Variants in KCNS2 observed in about 807,000 individuals in gnomAD.
KCNS2 encodes delayed-rectifier potassium channel regulatory subunit KCNS2.
Under a neutral mutation model 28.3 loss-of-function variants are expected in KCNS2, and 15 were observed. The observed-to-expected ratio is 0.53, with a 90% CI of 0.35 to 0.82. The LOEUF is 0.82. Ranked by LOEUF, KCNS2 falls within the 40% of genes least tolerant of loss-of-function variation. The probability of loss-of-function intolerance (pLI) is 0.01; values close to 1 mark genes in which losing one functional copy is unlikely to be tolerated. For synonymous variants in KCNS2, 254 were observed against 256.7 expected (o/e 0.99, Z 0.10); for missense variants, 501 against 617.1 (o/e 0.81, Z 1.99).
chr8:98,428,149 AGCTCT>A lies in KCNS2; in HGVS notation c.173_177del (p.Leu58ArgfsTer2). On this transcript the variant is annotated frameshift_variant, in exon 2 of 2. Transcript: ENST00000287042. LOFTEE classifies it high-confidence loss of function. This position sits in a 1 kb window ranked among gnomAD's most constrained non-coding sequence, Gnocchi z 6.7. ...TGCCACTCGCGCGAGGCCATTCTGG[AGCTCT>A]GCGATGACTACGACGACGTCCAGCG... 6.2e-7 allele frequency: 1 copy of A among 1,613,836 alleles called. No homozygotes were observed. Among genetic ancestry groups the A allele is most frequent in the Non-Finnish European group, 8.5e-7 (1 of 1,179,956 alleles).
Position 98,431,849 on chromosome 8 carries a change from A to G in KCNS2, c.*2436A>G, listed in dbSNP as rs1407035358. 6.0e-6 allele frequency: 1 copy of G among 167,096 alleles called. No homozygotes were observed. Among genetic ancestry groups the G allele is most frequent in the Admixed American group, 6.5e-5 (1 of 15,288 alleles). The allele number at this position is 167,096 out of a possible 1,614,324, so 10.4% of individuals were successfully genotyped here. ...ACTATCTTTTTAACATCTCTTGTAC[A>G]TACATATATACTTATATAAAATATT... On this transcript the variant is annotated 3_prime_UTR_variant, in exon 2 of 2. Transcript: ENST00000287042.
rs1818319352 is a variant in KCNS2 at position 98,431,108 on chromosome 8, C to T, written c.*1695C>T. On this transcript the variant is annotated 3_prime_UTR_variant, in exon 2 of 2. Coordinates refer to ENST00000287042, the MANE Select transcript of KCNS2 (RefSeq NM_020697.4). Reference sequence around the variant, plus strand: ...GGGTTTTCATCCAAAGGTTGGGCCTCTTCTTAAGAGGTCCTTTTGTGTTTC... The same window carrying T: ...GGGTTTTCATCCAAAGGTTGGGCCTTTTCTTAAGAGGTCCTTTTGTGTTTC... 6.0e-6 allele frequency: 1 copy of T among 167,094 alleles called. No individual in the cohort carries two copies. The highest frequency in any genetic ancestry group is 1.5e-5 in the Non-Finnish European group (1 of 68,120). The allele number at this position is 167,094 out of a possible 1,614,324, so 10.4% of individuals were successfully genotyped here.
In KCNS2 at chr8:98,432,539, C is replaced by T. The variant is rs901818749; in HGVS notation, c.*3126C>T. 11 of 167,012 alleles carry T rather than the reference C, an allele frequency of 6.6e-5. No homozygotes were observed. Among genetic ancestry groups the T allele is most frequent in the Admixed American group, 3.3e-4 (5 of 15,276 alleles). 10.3% of individuals were successfully genotyped at this position (167,012 alleles called of 1,614,324 possible). On this transcript the variant is annotated 3_prime_UTR_variant, in exon 2 of 2. Coordinates refer to ENST00000287042, the MANE Select transcript of KCNS2 (RefSeq NM_020697.4). ...TGTAATGCCAAGCTGATTTGTAGCT[C>T]GTAAGGTAGTAATTGGTATTTAACA...
Position 98,428,354 on chromosome 8 carries a change from C to T in KCNS2, c.375C>T (p.Gly125=), listed in dbSNP as rs762696769. 3.1e-6 allele frequency: 5 copies of T among 1,614,174 alleles called. No individual in the cohort carries two copies. In the South Asian group the frequency reaches 5.5e-5, roughly 18 times the overall value. Residue 125 remains glycine, a synonymous_variant, in exon 2 of 2, where the codon GGC becomes GGT. Coordinates refer to ENST00000287042, the MANE Select transcript of KCNS2 (RefSeq NM_020697.4). The surrounding 1 kb of genome is among the most constrained non-coding windows in gnomAD (Gnocchi z 6.7). ...CCTGCTGCAGCTACAGCTACCATGG[C>T]CGCAAAGTAGAGCCCGAGCAGGAGA... ...IDSCCSYSYH[G]RKVEPEQEKW... is the part of the protein sequence containing the mutation.
rs1458828104 is a variant in KCNS2, at chr8:98,429,841, T to C, written c.*428T>C. On this transcript the variant is annotated 3_prime_UTR_variant, in exon 2 of 2. Transcript: ENST00000287042. ...AAGTCGTCCAGTAGAAATGCATCTA[T>C]GAGGTCAGCAAGGATATGATGAGAT... 1 of 175,852 alleles carries C rather than the reference T, an allele frequency of 5.7e-6. No homozygotes were observed. The highest frequency in any genetic ancestry group is 1.4e-5 in the Non-Finnish European group (1 of 73,954). The allele number at this position is 175,852 out of a possible 1,614,324, so 10.9% of individuals were successfully genotyped here. A position where few individuals can be genotyped will look rare whatever the true frequency, so the allele number is the denominator to read the frequency against.
At chr8:98,427,874 T>G in intron 1 of KCNS2, 64 bp from the exon 2 acceptor site, 8 of 883,492 alleles carry the variant, frequency 9.1e-6, no homozygotes, top group South Asian at 1.8e-5. Flanking sequence ...CAGTAATGGG[T>G]AGGGAGAGGG....
Position 98,429,290 on chromosome 8 carries a change from G to T in KCNS2, c.1311G>T (p.Lys437Asn), listed in dbSNP as rs1262137749. Residue 437 changes from lysine to asparagine, a missense_variant, in exon 2 of 2, where the codon AAG (lysine) becomes AAT (asparagine). Physicochemically the swap from Lys to Asn is moderately conservative, Grantham distance 94 (BLOSUM62 0). Coordinates refer to ENST00000287042, the MANE Select transcript of KCNS2 (RefSeq NM_020697.4). ...MRSCDFGDGM[K>N]EVPSVNLRDY... ...GCTGTGACTTTGGAGATGGAATGAA[G>T]GAGGTCCCTTCGGTCAATTTAAGGG... 5 of 1,614,016 alleles carry T rather than the reference G, an allele frequency of 3.1e-6. No homozygotes were observed. Among genetic ancestry groups the T allele is most frequent in the Non-Finnish European group, 4.2e-6 (5 of 1,180,048 alleles).
chr8:98,428,705 G>T lies in KCNS2; in HGVS notation c.726G>T (p.Leu242=), dbSNP rs1396923471. ...HFGIAWFTFE[L]VARFAVAPDF... The stretch of plus-strand genomic sequence containing the variant: ...GCATTGCCTGGTTCACATTTGAGCT[G>T]GTGGCCAGGTTTGCTGTGGCCCCTG... Residue 242 remains leucine (L), a synonymous_variant, in exon 2 of 2, where the codon CTG becomes CTT. Coordinates refer to ENST00000287042, the MANE Select transcript of KCNS2 (RefSeq NM_020697.4). The surrounding 1 kb of genome is among the most constrained non-coding windows in gnomAD (Gnocchi z 6.7). 6.2e-7 allele frequency: 1 copy of T among 1,614,080 alleles called. No homozygotes were observed. Among genetic ancestry groups the T allele is most frequent in the Non-Finnish European group, 8.5e-7 (1 of 1,180,042 alleles).
rs1818268016 is a variant in KCNS2, at chr8:98,428,063, G to A, written c.84G>A (p.Arg28=). The A allele has an allele frequency of 1.9e-6, 3 of 1,613,262 alleles. No individual in the cohort carries two copies. The highest frequency in any genetic ancestry group is 2.5e-6 in the Non-Finnish European group (3 of 1,179,628). The change falls in exon 2 of 2, where the codon AGG becomes AGA. Residue 28 remains arginine (R), a synonymous_variant. Coordinates refer to ENST00000287042, the MANE Select transcript of KCNS2 (RefSeq NM_020697.4). This position sits in a 1 kb window ranked among gnomAD's most constrained non-coding sequence, Gnocchi z 6.7. ...GCATCAATGTGGGCGGCTTCAAGAG[G>A]AGGCTGCGCTCGCACACGCTGCTGC... ...EIRINVGGFK[R]RLRSHTLLRF...
rs778282146 is a variant in KCNS2, at chr8:98,428,238, A to G, written c.259A>G (p.Thr87Ala). The G allele has an allele frequency of 6.2e-7, 1 of 1,614,036 alleles. No homozygotes were observed. The highest frequency in any genetic ancestry group is 1.1e-5 in the South Asian group (1 of 91,080). Reference protein sequence around the residue: ...LFPYVLHFYHTGKLHVMAELC... With the variant: ...LFPYVLHFYHAGKLHVMAELC... ...CCCCTACGTGCTGCATTTCTATCAC[A>G]CCGGCAAGCTTCACGTCATGGCTGA... The change falls in exon 2 of 2, where the codon ACC (threonine) becomes GCC (alanine). Residue 87 changes from threonine to alanine, a missense_variant. Coordinates refer to ENST00000287042, the MANE Select transcript of KCNS2 (RefSeq NM_020697.4). The surrounding 1 kb of genome is among the most constrained non-coding windows in gnomAD (Gnocchi z 6.7).
chr8:98,430,321 G>T lies in KCNS2; in HGVS notation c.*908G>T, dbSNP rs1230445653. 1.2e-5 allele frequency: 2 copies of T among 167,098 alleles called. No individual in the cohort carries two copies. Among genetic ancestry groups the T allele is most frequent in the Non-Finnish European group, 2.9e-5 (2 of 68,120 alleles). The allele number at this position is 167,098 out of a possible 1,614,324, so 10.4% of individuals were successfully genotyped here. A position where few individuals can be genotyped will look rare whatever the true frequency, so the allele number is the denominator to read the frequency against. Reference sequence around the variant, plus strand: ...CTAGGCCATTTGACCAAACTTTGCTGTGTCTAAGATATTAGCATGTTTTTG... The same window carrying T: ...CTAGGCCATTTGACCAAACTTTGCTTTGTCTAAGATATTAGCATGTTTTTG... On this transcript the variant is annotated 3_prime_UTR_variant, in exon 2 of 2. Transcript: ENST00000287042.
In KCNS2 at chr8:98,431,260, T is replaced by C. The variant is rs995198569; in HGVS notation, c.*1847T>C. On this transcript the variant is annotated 3_prime_UTR_variant, in exon 2 of 2. Coordinates refer to ENST00000287042, the MANE Select transcript of KCNS2 (RefSeq NM_020697.4). ...TTTATTGAATGAATTCACTAGCCAC[T>C]TGTGTCCTGGAGCCCCCAGTTCAAA... is the stretch of plus-strand genomic sequence containing the variant. 4 of 167,098 alleles carry C rather than the reference T, an allele frequency of 2.4e-5. No individual in the cohort carries two copies. Among genetic ancestry groups the C allele is most frequent in the African/African-American group, 7.2e-5 (3 of 41,442 alleles). The allele number at this position is 167,098 out of a possible 1,614,324, so 10.4% of individuals were successfully genotyped here.
At chr8:98,427,694 G>A in intron 1 of KCNS2, 1 of 292,692 alleles carries the variant, frequency 3.4e-6, no homozygotes, top group Non-Finnish European at 6.4e-6. Context: ...TCAGAGCCGC[G>A]GGGACGCGAC....
At position 98,430,514 on chromosome 8, in the gene KCNS2, C is replaced by T. The variant is rs1268183258; in HGVS notation, c.*1101C>T. 6.0e-6 allele frequency: 1 copy of T among 166,888 alleles called. No homozygotes were observed. The highest frequency in any genetic ancestry group is 1.5e-5 in the Non-Finnish European group (1 of 68,108). The allele number at this position is 166,888 out of a possible 1,614,324, so 10.3% of individuals were successfully genotyped here. ...ACTCTGAAAGCTCATCAAATGAGAG[C>T]CCTTTTATTTCCAAGCAGAATTTAG... On this transcript the variant is annotated 3_prime_UTR_variant, in exon 2 of 2. Coordinates refer to ENST00000287042, the MANE Select transcript of KCNS2 (RefSeq NM_020697.4).
Position 98,428,323 on chromosome 8 carries a change from T to C in KCNS2, c.344T>C (p.Ile115Thr), listed in dbSNP as rs1400510344. 2 of 1,614,144 alleles carry C rather than the reference T, an allele frequency of 1.2e-6. No homozygotes were observed. Among genetic ancestry groups the C allele is most frequent in the Non-Finnish European group, 1.7e-6 (2 of 1,180,032 alleles). ...TACTGGGGCATCAACGAGTTCTTCA[T>C]TGACTCCTGCTGCAGCTACAGCTAC... ...IEYWGINEFF[I>T]DSCCSYSYHG... Residue 115 changes from isoleucine (I) to threonine (T), a missense_variant, in exon 2 of 2, where the codon ATT (isoleucine) becomes ACT (threonine). Ile to Thr is a moderately conservative substitution (Grantham distance 89). Coordinates refer to ENST00000287042, the MANE Select transcript of KCNS2 (RefSeq NM_020697.4). This position sits in a 1 kb window ranked among gnomAD's most constrained non-coding sequence, Gnocchi z 6.7.
Position 98,428,729 on chromosome 8 carries a change from T to C in KCNS2, c.750T>C (p.Pro250=), listed in dbSNP as rs1818283301. 6.2e-7 allele frequency: 1 copy of C among 1,614,120 alleles called. No homozygotes were observed. Among genetic ancestry groups the C allele is most frequent in the Admixed American group, 1.7e-5 (1 of 60,010 alleles). ...TGGTGGCCAGGTTTGCTGTGGCCCC[T>C]GACTTCCTCAAGTTCTTCAAGAATG... is the stretch of plus-strand genomic sequence containing the variant. ...FELVARFAVA[P]DFLKFFKNAL... is the part of the protein sequence containing the mutation. Residue 250 remains proline, a synonymous_variant, in exon 2 of 2, where the codon CCT becomes CCC. Coordinates refer to ENST00000287042, the MANE Select transcript of KCNS2 (RefSeq NM_020697.4). This position sits in a 1 kb window ranked among gnomAD's most constrained non-coding sequence, Gnocchi z 6.7.
Position 98,429,497 on chromosome 8 carries a change from G to A in KCNS2, c.*84G>A, listed in dbSNP as rs1016958013. ...ACAGCCCAGGCACCTTATGGTTATGGTGTAAGGAGTATGCCCAGCCCCTGA... is the reference window on the plus strand; with the variant it reads ...ACAGCCCAGGCACCTTATGGTTATGATGTAAGGAGTATGCCCAGCCCCTGA... On this transcript the variant is annotated 3_prime_UTR_variant, in exon 2 of 2. Coordinates refer to ENST00000287042, the MANE Select transcript of KCNS2 (RefSeq NM_020697.4). The A allele has an allele frequency of 1.4e-5, 14 of 967,892 alleles. No individual in the cohort carries two copies. Among genetic ancestry groups the A allele is most frequent in the Non-Finnish European group, 2.2e-5 (14 of 633,694 alleles). 60.0% of individuals were successfully genotyped at this position (967,892 alleles called of 1,614,324 possible).
chr8:98,429,325 C>T lies in KCNS2; in HGVS notation c.1346C>T (p.Ala449Val), dbSNP rs764653918. Residue 449 changes from alanine (A) to valine (V), a missense_variant, in exon 2 of 2, where the codon GCC becomes GTC. Physicochemically the swap from Ala to Val is moderately conservative, Grantham distance 64 (BLOSUM62 0). Coordinates refer to ENST00000287042, the MANE Select transcript of KCNS2 (RefSeq NM_020697.4). Reference sequence around the variant, plus strand: ...TCGGTCAATTTAAGGGACTATTATGCCCATAAAGTTAAATCCCTTATGGCA... The same window carrying T: ...TCGGTCAATTTAAGGGACTATTATGTCCATAAAGTTAAATCCCTTATGGCA... ...VPSVNLRDYY[A>V]HKVKSLMASL... is the part of the protein sequence containing the mutation. 9.3e-6 allele frequency: 15 copies of T among 1,614,078 alleles called. No individual in the cohort carries two copies. In the South Asian group the frequency reaches 1.5e-4, roughly 17 times the overall value.
chr8:98,432,433 C>T lies in KCNS2; in HGVS notation c.*3020C>T, dbSNP rs757552370. 2 of 167,068 alleles carry T rather than the reference C, an allele frequency of 1.2e-5. No homozygotes were observed. Among genetic ancestry groups the T allele is most frequent in the Non-Finnish European group, 2.9e-5 (2 of 68,128 alleles). The allele number at this position is 167,068 out of a possible 1,614,324, so 10.3% of individuals were successfully genotyped here. On this transcript the variant is annotated 3_prime_UTR_variant, in exon 2 of 2. Coordinates refer to ENST00000287042, the MANE Select transcript of KCNS2 (RefSeq NM_020697.4). ...GGGTTGGGAAGTGACACGTCTGTTG[C>T]ACAAATGCATATTGGTTATAGGTTT...
Sources: gnomAD v4.1 joint callset for allele counts on GRCh38, gnomAD v4.1.1 for gene constraint, Gnocchi (gnomAD v3.1) non-coding constraint, MANE v1.5 for transcripts, NCBI Gene and HGNC (gene_info 2026-07-23, HGNC 2026-07-21) for gene names.